The following KCNIP4 variants were observed in gnomAD, a reference collection of about 807,000 sequenced individuals.
KCNIP4 encodes Kv channel-interacting protein 4.
A neutral mutation model predicts 34.0 loss-of-function variants in KCNIP4; 12 were observed. That is an observed-to-expected ratio of 0.35 (90% confidence interval 0.23 to 0.57). The LOEUF (loss-of-function observed/expected upper bound fraction) is 0.57, where lower values mean the gene tolerates loss of function less well. Ranked by LOEUF, KCNIP4 falls within the 20% of genes least tolerant of loss-of-function variation. The pLI is 0.83. For missense variants in KCNIP4, 238 were observed against 311.7 expected, an observed-to-expected ratio of 0.76 and a Z score of 1.78; for synonymous variants, 124 against 102.2, an observed-to-expected ratio of 1.21 and a Z score of -1.29.
At chr4:21,122,996 G>T (rs528435625) in intron 1 of KCNIP4, among the ~76,000 whole-genome samples, 1 of 152,100 alleles carries the variant, frequency 6.6e-6, no homozygotes, top group Admixed American at 6.5e-5. Context: ...AGATCACAAG[G>T]TCAGGAGATC....
At chr4:21,143,468 G>T (rs1752122056) in intron 1 of KCNIP4, among the ~76,000 whole-genome samples, 1 of 152,094 alleles carries the variant, frequency 6.6e-6, no homozygotes, top group Non-Finnish European at 1.5e-5. Flanking sequence ...CTTGGAAGGA[G>T]ATTCTTCCCC....
At chr4:21,700,573 G>GT (rs1170292871) in intron 1 of KCNIP4, among the ~76,000 whole-genome samples, 1 of 151,506 alleles carries the variant, frequency 6.6e-6, no homozygotes, top group South Asian at 2.1e-4. Context: ...TTTTTTGTTT[G>GT]TTTTTTGCTG....
chr4:21,551,980 C>A (rs574049414), intron 1 of KCNIP4, among the ~76,000 whole-genome samples: 1 of 151,064 alleles, frequency 6.6e-6, no homozygotes, highest in Non-Finnish European at 1.5e-5. Flanking sequence ...CATCATTCGA[C>A]CTGTCCAGTT....
intron 1 of KCNIP4, among the ~76,000 whole-genome samples, chr4:20,990,557 T>C (rs1736999812): frequency 6.6e-6 from 1 of 152,228 alleles, no homozygotes; most frequent in Non-Finnish European, 1.5e-5. Flanking sequence ...ATCTTGAAAA[T>C]AGTCCTCATG....
chr4:21,343,690 T>A (rs1716991330), intron 1 of KCNIP4, among the ~76,000 whole-genome samples: 1 of 152,124 alleles, frequency 6.6e-6, no homozygotes, highest in South Asian at 2.1e-4. Flanking sequence ...GTACACTTTC[T>A]AACTTCACCC....
intron 1 of KCNIP4, among the ~76,000 whole-genome samples, chr4:21,764,392 T>A (rs891801656): frequency 1.3e-5 from 2 of 152,102 alleles, no homozygotes; most frequent in Non-Finnish European, 2.9e-5. Flanking sequence ...AGAAAGTTCA[T>A]AAATGAGCTA....
chr4:21,224,578 G>GA (rs1553838095), intron 1 of KCNIP4, among the ~76,000 whole-genome samples: 1 of 44,882 alleles, frequency 2.2e-5, no homozygotes, highest in African/African-American at 1.0e-4. Context: ...TTTTTCAACT[G>GA]TTTTTTTTTT....
intron 1 of KCNIP4, among the ~76,000 whole-genome samples, chr4:21,525,862 T>C (rs1409868784): frequency 6.6e-6 from 1 of 152,226 alleles, no homozygotes; most frequent in African/African-American, 2.4e-5. Context: ...CTATCTAATT[T>C]TTATAATCAT....
chr4:21,358,174 T>TG (rs957962845), intron 1 of KCNIP4, among the ~76,000 whole-genome samples: 1 of 151,734 alleles, frequency 6.6e-6, no homozygotes, highest in Non-Finnish European at 1.5e-5. Flanking sequence ...TGTCAGGTGG[T>TG]GGGGGGCTGG....
At chr4:21,254,307 C>G (rs549282589) in intron 1 of KCNIP4, among the ~76,000 whole-genome samples, 2 of 152,252 alleles carry the variant, frequency 1.3e-5, no homozygotes, top group African/African-American at 4.8e-5. Flanking sequence ...GCATTGCCTT[C>G]AATCACCAGT....
At chr4:20,838,333 A>G (rs1719316733) in intron 3 of KCNIP4, among the ~76,000 whole-genome samples, 1 of 152,218 alleles carries the variant, frequency 6.6e-6, no homozygotes, top group African/African-American at 2.4e-5. Flanking sequence ...AAACAAAAAA[A>G]TGTCTTAGAA....
At chr4:21,638,188 C>A (rs1746359996) in intron 1 of KCNIP4, among the ~76,000 whole-genome samples, 1 of 152,236 alleles carries the variant, frequency 6.6e-6, no homozygotes, top group Non-Finnish European at 1.5e-5. Flanking sequence ...ACAACTATAT[C>A]CATATTGATG....
chr4:21,714,609 T>C (rs1451491230), intron 1 of KCNIP4, among the ~76,000 whole-genome samples: 1 of 151,792 alleles, frequency 6.6e-6, no homozygotes, highest in Non-Finnish European at 1.5e-5. Context: ...TGGTAGCTTT[T>C]AGTAGGTCAA....
intron 1 of KCNIP4, among the ~76,000 whole-genome samples, chr4:20,883,240 C>T (rs530643139): frequency 1.9e-4 from 29 of 152,208 alleles, no homozygotes; most frequent in African/African-American, 6.7e-4. Flanking sequence ...AATAAATGTC[C>T]TTAATATGCA....
chr4:21,259,653 G>A (rs1177730777), intron 1 of KCNIP4, among the ~76,000 whole-genome samples: 1 of 152,162 alleles, frequency 6.6e-6, no homozygotes, highest in Non-Finnish European at 1.5e-5. Context: ...CAGCAATGAA[G>A]AAAAGCATTA....
intron 1 of KCNIP4, among the ~76,000 whole-genome samples, chr4:21,774,033 C>T (rs558087317): frequency 1.1e-4 from 16 of 152,062 alleles, no homozygotes; most frequent in African/African-American, 3.9e-4. Flanking sequence ...TTCATAGTGT[C>T]ATTGGTCTTT....
At chr4:21,261,665 T>C (rs1449276117) in intron 1 of KCNIP4, among the ~76,000 whole-genome samples, 3 of 152,212 alleles carry the variant, frequency 2.0e-5, no homozygotes, top group South Asian at 2.1e-4. Flanking sequence ...CCAAATATTA[T>C]GTTCGACTTC....
intron 1 of KCNIP4, among the ~76,000 whole-genome samples, chr4:21,318,058 C>T (rs563265194): frequency 6.6e-6 from 1 of 152,112 alleles, no homozygotes; most frequent in Non-Finnish European, 1.5e-5. Context: ...ATCATCCTGC[C>T]CTGCCTGCTC....
At chr4:21,771,962 G>A (rs2109192548) in intron 1 of KCNIP4, among the ~76,000 whole-genome samples, 1 of 152,140 alleles carries the variant, frequency 6.6e-6, no homozygotes, top group African/African-American at 2.4e-5. Flanking sequence ...ATACTATGTT[G>A]AATAGGGGTG....
Sources: gnomAD v4.1 joint callset for allele counts (sites outside exome capture counted in the v4.1 genomes callset) on GRCh38, gnomAD v4.1.1 for gene constraint, MANE v1.5 for transcripts, NCBI Gene and HGNC (gene_info 2026-07-23, HGNC 2026-07-21) for gene names.